BCL2: variants seen among roughly 807,000 people sequenced by gnomAD.
The protein encoded by BCL2 is apoptosis regulator Bcl-2.
Under a neutral mutation model 14.2 loss-of-function variants are expected in BCL2, and 1 was observed. That is an observed-to-expected ratio of 0.07 (90% confidence interval 0.02 to 0.33). The LOEUF (loss-of-function observed/expected upper bound fraction) is 0.33. Ranked by LOEUF, BCL2 falls within the 10% of genes least tolerant of loss-of-function variation. The probability of loss-of-function intolerance (pLI) is 0.99; values close to 1 mark genes in which losing one functional copy is unlikely to be tolerated. For synonymous variants in BCL2, 151 were observed against 137.2 expected (o/e 1.10, Z -0.70); for missense variants, 247 against 305.9 (o/e 0.81, Z 1.44).
rs1409083454 is a variant in BCL2, at chr18:63,124,187, T to TTA, written c.*4436_*4437dup. The TTA allele has an allele frequency of 4.5e-6, 1 of 222,308 alleles. No individual in the cohort carries two copies. Among genetic ancestry groups the TTA allele is most frequent in the Non-Finnish European group, 9.0e-6 (1 of 111,162 alleles). The allele number at this position is 222,308 out of a possible 1,614,324, so 13.8% of individuals were successfully genotyped here. ...ACTGGGTAAGACTAAAGGACTTGTATTATCACTCTCCAATTCAGTTTCACA... is the reference window on the plus strand; with the variant it reads ...ACTGGGTAAGACTAAAGGACTTGTATTATATCACTCTCCAATTCAGTTTCACA... On this transcript the variant is annotated 3_prime_UTR_variant, in exon 3 of 3. Transcript: ENST00000333681.
intron 2 of BCL2, among the ~76,000 whole-genome samples, chr18:63,298,349 C>A (rs1415300311): frequency 6.6e-6 from 1 of 152,212 alleles, no homozygotes; most frequent in East Asian, 1.9e-4. Flanking sequence ...ATCTGGGAAA[C>A]CAAACTCACC....
intron 2 of BCL2, among the ~76,000 whole-genome samples, chr18:63,201,871 T>C (rs1909704428): frequency 2.0e-5 from 3 of 152,140 alleles, no homozygotes; most frequent in African/African-American, 4.8e-5. Context: ...GAGAAATACC[T>C]AATGTATGTG....
chr18:63,282,516 C>T (rs915477118), intron 2 of BCL2, among the ~76,000 whole-genome samples: 1 of 152,064 alleles, frequency 6.6e-6, no homozygotes, highest in African/African-American at 2.4e-5. Context: ...TCTTTTTTCC[C>T]TCCTAAATGG....
chr18:63,284,054 A>G (rs1912393777), intron 2 of BCL2, among the ~76,000 whole-genome samples: 1 of 152,188 alleles, frequency 6.6e-6, no homozygotes, highest in Non-Finnish European at 1.5e-5. Context: ...CACACAGGGT[A>G]CCAGTGTGTC....
intron 2 of BCL2, among the ~76,000 whole-genome samples, chr18:63,280,114 TAAATA>T (rs1228201415): frequency 6.6e-6 from 1 of 152,230 alleles, no homozygotes; most frequent in Non-Finnish European, 1.5e-5. Flanking sequence ...ATTATACTTC[TAAATA>T]AAAGATTTTT....
chr18:63,261,651 C>T (rs1021659202), intron 2 of BCL2, among the ~76,000 whole-genome samples: 6 of 152,030 alleles, frequency 3.9e-5, no homozygotes, highest in African/African-American at 1.2e-4. Context: ...ATACTACCTA[C>T]GCCATTTAAG....
At chr18:63,257,444 G>T (rs990727501) in intron 2 of BCL2, among the ~76,000 whole-genome samples, 3 of 152,190 alleles carry the variant, frequency 2.0e-5, no homozygotes, top group African/African-American at 4.8e-5. Flanking sequence ...TTTTCAAATG[G>T]TATAAAGTAT....
At chr18:63,179,439 T>A (rs1451487940) in intron 2 of BCL2, among the ~76,000 whole-genome samples, 1 of 152,096 alleles carries the variant, frequency 6.6e-6, no homozygotes, top group Non-Finnish European at 1.5e-5. Context: ...TCTCATCTCA[T>A]CCCAAATATT....
At chr18:63,228,360 G>A (rs1232154716) in intron 2 of BCL2, among the ~76,000 whole-genome samples, 2 of 152,178 alleles carry the variant, frequency 1.3e-5, no homozygotes, top group African/African-American at 4.8e-5. Context: ...TCAGGCCTCT[G>A]CTCAAGTGTC....
intron 2 of BCL2, among the ~76,000 whole-genome samples, chr18:63,246,448 G>A (rs191607995): frequency 6.5e-4 from 99 of 152,288 alleles, no homozygotes; most frequent in Non-Finnish European, 6.3e-4. Flanking sequence ...GGTGGAAGGC[G>A]AAAGACATGG....
intron 2 of BCL2, among the ~76,000 whole-genome samples, chr18:63,309,176 C>A (rs1913231243): frequency 6.6e-6 from 1 of 152,114 alleles, no homozygotes; most frequent in African/African-American, 2.4e-5. Context: ...AGGTGGGGTG[C>A]AAACAACAGT....
intron 2 of BCL2, among the ~76,000 whole-genome samples, chr18:63,279,878 T>C (rs7236090): frequency 0.42 from 63,188 of 152,072 alleles, 15,622 homozygotes; most frequent in Middle Eastern, 0.64. Context: ...TAGGGTGACA[T>C]ACTTAGGTGG....
chr18:63,184,653 C>T (rs367553612), intron 2 of BCL2, among the ~76,000 whole-genome samples: 9 of 152,232 alleles, frequency 5.9e-5, no homozygotes, highest in African/African-American at 2.2e-4. Flanking sequence ...GACTGTAGCC[C>T]ATCAGGGGAG....
At chr18:63,247,695 G>T (rs1911190868) in intron 2 of BCL2, among the ~76,000 whole-genome samples, 1 of 152,006 alleles carries the variant, frequency 6.6e-6, no homozygotes, top group Admixed American at 6.6e-5. Flanking sequence ...CCACTGTCTG[G>T]ACTCACAAGG....
intron 2 of BCL2, among the ~76,000 whole-genome samples, chr18:63,261,701 T>A (rs368801792): frequency 3.3e-4 from 50 of 152,268 alleles, no homozygotes; most frequent in African/African-American, 1.1e-3. Context: ...AAATGTCCTA[T>A]CCTGTCTTAA....
rs1363185850 is a variant in BCL2, at chr18:63,125,262, T to G, written c.*3363A>C. ...GTGAGCTGTGGAGAGAATGTTGGCG[T>G]CTTGTTTGAACTAAATTGAGGTGCT... On this transcript the variant is annotated 3_prime_UTR_variant, in exon 3 of 3. Transcript: ENST00000333681. The G allele has an allele frequency of 4.4e-6, 1 of 226,238 alleles. No individual in the cohort carries two copies. Among genetic ancestry groups the G allele is most frequent in the Non-Finnish European group, 8.8e-6 (1 of 113,686 alleles). 14.0% of individuals were successfully genotyped at this position (226,238 alleles called of 1,614,324 possible). A position where few individuals can be genotyped will look rare whatever the true frequency, so the allele number is the denominator to read the frequency against.
At chr18:63,236,104 T>C (rs980911496) in intron 2 of BCL2, among the ~76,000 whole-genome samples, 2 of 152,192 alleles carry the variant, frequency 1.3e-5, no homozygotes, top group African/African-American at 2.4e-5. Flanking sequence ...CAAGATCTGA[T>C]GGTTTTATAA....
In BCL2 at chr18:63,125,322, C is replaced by G. The variant is rs1275150492; in HGVS notation, c.*3303G>C. The G allele has an allele frequency of 1.3e-5, 3 of 226,270 alleles. No individual in the cohort carries two copies. Among genetic ancestry groups the G allele is most frequent in the South Asian group, 1.8e-4 (1 of 5,484 alleles). 14.0% of individuals were successfully genotyped at this position (226,270 alleles called of 1,614,324 possible). A position where few individuals can be genotyped will look rare whatever the true frequency, so the allele number is the denominator to read the frequency against. On this transcript the variant is annotated 3_prime_UTR_variant, in exon 3 of 3. Transcript: ENST00000333681. ...CTGTGACTTTATTCCAAATCTTAAG[C>G]CTGCCAGAGTTTTCTGCCCCTGCCA...
chr18:63,138,200 G>A (rs1222809684), intron 2 of BCL2, among the ~76,000 whole-genome samples: 4 of 152,254 alleles, frequency 2.6e-5, no homozygotes, highest in Non-Finnish European at 4.4e-5. Flanking sequence ...GGAGCAAGCC[G>A]CACTGGCGGC....
Sources: gnomAD v4.1 joint callset for allele counts (sites outside exome capture counted in the v4.1 genomes callset) on GRCh38, gnomAD v4.1.1 for gene constraint, MANE v1.5 for transcripts, NCBI Gene and HGNC (gene_info 2026-07-23, HGNC 2026-07-21) for gene names.